The following HMGCLL1 variants were observed in gnomAD, a reference collection of about 807,000 sequenced individuals.
HMGCLL1 encodes the protein 3-hydroxy-3-methylglutaryl-CoA lyase like 1, also known as 3-hydroxymethyl-3-methylglutaryl-CoA lyase, cytoplasmic.
In HMGCLL1, 36 loss-of-function variants were observed where a neutral mutation model predicts 39.1. The observed-to-expected ratio is 0.92, with a 90% confidence interval of 0.71 to 1.22. The LOEUF (loss-of-function observed/expected upper bound fraction) is 1.22, where lower values mean the gene tolerates loss of function less well. HMGCLL1 is among the 50% of genes most tolerant of loss of function. The pLI, the probability that HMGCLL1 is intolerant of heterozygous loss-of-function variation, is 0.00. For missense variants in HMGCLL1, 451 were observed against 416.5 expected (o/e 1.08, Z -0.72); for synonymous variants, 149 against 144.0 (o/e 1.03, Z -0.25).
intron 7 of HMGCLL1, among the ~76,000 whole-genome samples, chr6:55,441,033 G>T (rs1763574166): frequency 6.6e-6 from 1 of 152,146 alleles, no homozygotes; most frequent in African/African-American, 2.4e-5. Context: ...CAGCAAGGAT[G>T]AATTTATTTA....
chr6:55,535,613 C>A (rs1768971433), intron 3 of HMGCLL1, among the ~76,000 whole-genome samples: 1 of 152,170 alleles, frequency 6.6e-6, no homozygotes, highest in African/African-American at 2.4e-5. Context: ...CTCCCTCCCT[C>A]TTTCAGCCAA....
chr6:55,497,257 T>C (rs1335194304), intron 6 of HMGCLL1, among the ~76,000 whole-genome samples: 1 of 152,004 alleles, frequency 6.6e-6, no homozygotes, highest in Admixed American at 6.6e-5. Flanking sequence ...ATCCCTAATC[T>C]TTAGAATACA....
At chr6:55,558,020 G>A (rs1434455173) in intron 1 of HMGCLL1, among the ~76,000 whole-genome samples, 1 of 152,152 alleles carries the variant, frequency 6.6e-6, no homozygotes, top group East Asian at 1.9e-4. Flanking sequence ...ACAGAACCCT[G>A]TCATGCTTCA....
At chr6:55,570,782 A>C (rs1410222807) in intron 1 of HMGCLL1, among the ~76,000 whole-genome samples, 1 of 152,186 alleles carries the variant, frequency 6.6e-6, no homozygotes, top group Non-Finnish European at 1.5e-5. Flanking sequence ...CACAAATACT[A>C]TATTAGTCCA....
At chr6:55,469,449 A>ATGTATATATG (rs1484725390) in intron 7 of HMGCLL1, among the ~76,000 whole-genome samples, 2 of 141,990 alleles carry the variant, frequency 1.4e-5, no homozygotes, top group Non-Finnish European at 3.0e-5. Context: ...ATACATATAT[A>ATGTATATATG]TGTATATATG....
chr6:55,463,099 C>A (rs1045242945), intron 7 of HMGCLL1, among the ~76,000 whole-genome samples: 1 of 149,982 alleles, frequency 6.7e-6, no homozygotes, highest in Non-Finnish European at 1.5e-5. Context: ...AGCGCAATCT[C>A]GGCTCACTGC....
At chr6:55,537,024 A>G (rs1176479500) in intron 3 of HMGCLL1, among the ~76,000 whole-genome samples, 2 of 152,198 alleles carry the variant, frequency 1.3e-5, no homozygotes, top group Non-Finnish European at 2.9e-5. Flanking sequence ...TTCAACCAAT[A>G]TATATGTAAG....
At chr6:55,673,540 G>C in the HMGCLL1 span, among the ~76,000 whole-genome samples, 2 of 151,884 alleles carry the variant, frequency 1.3e-5, no homozygotes, top group Non-Finnish European at 2.9e-5. Context: ...AACATGCTTT[G>C]GAGAAAATAG....
At chr6:55,525,208 A>C (rs1057044043) in intron 3 of HMGCLL1, among the ~76,000 whole-genome samples, 1 of 15,564 alleles carries the variant, frequency 6.4e-5, no homozygotes, top group Admixed American at 8.3e-4. Flanking sequence ...TCAGAAAACT[A>C]AAAAAAGAAT....
At chr6:55,582,561 C>T (rs1036536534), upstream of HMGCLL1, among the ~76,000 whole-genome samples, 1 of 152,076 alleles carries the variant, frequency 6.6e-6, no homozygotes, top group Non-Finnish European at 1.5e-5. Flanking sequence ...CAACTCCTAC[C>T]CATTTTCTAA....
chr6:55,558,914 A>C (rs1361273055), intron 1 of HMGCLL1, among the ~76,000 whole-genome samples: 1 of 152,154 alleles, frequency 6.6e-6, no homozygotes, highest in Non-Finnish European at 1.5e-5. Context: ...CTTGTTCATA[A>C]TCTGCCAGGA....
the HMGCLL1 span, among the ~76,000 whole-genome samples, chr6:55,587,262 T>G: frequency 6.6e-6 from 1 of 152,116 alleles, no homozygotes; most frequent in South Asian, 2.1e-4. Flanking sequence ...TCTTGTAAAT[T>G]TGTTTGAGTT....
At chr6:55,645,127 A>G in the HMGCLL1 span, among the ~76,000 whole-genome samples, 2 of 151,830 alleles carry the variant, frequency 1.3e-5, no homozygotes, top group South Asian at 4.1e-4. Context: ...TCTTTTTTTA[A>G]GTTAATTCCT....
At chr6:55,533,761 C>T (rs1443606556) in intron 3 of HMGCLL1, among the ~76,000 whole-genome samples, 4 of 149,332 alleles carry the variant, frequency 2.7e-5, no homozygotes, top group Admixed American at 1.3e-4. Flanking sequence ...TAGCGGGCGC[C>T]TGTAGTCCCA....
intron 3 of HMGCLL1, among the ~76,000 whole-genome samples, chr6:55,516,907 T>G (rs1767772409): frequency 6.6e-6 from 1 of 152,036 alleles, no homozygotes; most frequent in South Asian, 2.1e-4. Context: ...CATTTCATGG[T>G]CCAAGGCTGA....
chr6:55,557,088 A>G (rs1253118986), intron 1 of HMGCLL1, among the ~76,000 whole-genome samples: 6 of 152,190 alleles, frequency 3.9e-5, no homozygotes. Context: ...GTTAGATTCA[A>G]TCACCCTAAT....
intron 3 of HMGCLL1, among the ~76,000 whole-genome samples, chr6:55,524,462 T>TAAA (rs1561936369): frequency 3.7e-5 from 2 of 53,510 alleles, no homozygotes; most frequent in African/African-American, 1.3e-4. Context: ...TTTATAGTCT[T>TAAA]TAAAAAAAAA....
chr6:55,579,918 C>T (rs6939404), upstream of HMGCLL1, among the ~76,000 whole-genome samples: 1 of 151,972 alleles, frequency 6.6e-6, no homozygotes, highest in Non-Finnish European at 1.5e-5. Flanking sequence ...TACCTTCCCC[C>T]CCTCACTTTC....
the HMGCLL1 span, among the ~76,000 whole-genome samples, chr6:55,587,845 A>C: frequency 6.6e-6 from 1 of 152,176 alleles, no homozygotes; most frequent in Admixed American, 6.6e-5. Flanking sequence ...ATTCAACAAG[A>C]AGAGCTAACT....
Sources: gnomAD v4.1 joint callset for allele counts (sites outside exome capture counted in the v4.1 genomes callset) on GRCh38, gnomAD v4.1.1 for gene constraint, MANE v1.5 for transcripts, NCBI Gene and HGNC (gene_info 2026-07-23, HGNC 2026-07-21) for gene names.